The following NAV3 variants were observed in gnomAD, a reference collection of about 807,000 sequenced individuals.
NAV3 encodes pore membrane and/or filament interacting like protein 1.
In NAV3, 87 loss-of-function variants were observed where a neutral mutation model predicts 244.7. The observed-to-expected ratio is 0.36, with a 90% CI of 0.30 to 0.42. The LOEUF (loss-of-function observed/expected upper bound fraction) is 0.42, where lower values mean the gene tolerates loss of function less well. Ranked by LOEUF, NAV3 falls within the 20% of genes least tolerant of loss-of-function variation. The pLI is 1.00. For missense variants in NAV3, 2,663 were observed against 2,893.3 expected (o/e 0.92, Z 1.83); for synonymous variants, 1,126 against 1,042.2 (o/e 1.08, Z -1.55).
At chr12:77,856,775 T>C (rs1878455320) in intron 1 of NAV3, among the ~76,000 whole-genome samples, 1 of 152,146 alleles carries the variant, frequency 6.6e-6, no homozygotes, top group African/African-American at 2.4e-5. Context: ...AATGGCTTTT[T>C]AAAAACATTT....
At chr12:78,127,552 C>CAG (rs1202833279) in intron 17 of NAV3, among the ~76,000 whole-genome samples, 4 of 152,164 alleles carry the variant, frequency 2.6e-5, no homozygotes, top group South Asian at 2.1e-4. Flanking sequence ...TGGTAGAATG[C>CAG]AGAACTCACT....
intron 9 of NAV3, among the ~76,000 whole-genome samples, chr12:78,025,164 T>C (rs750393702): frequency 1.3e-5 from 2 of 152,152 alleles, no homozygotes; most frequent in Non-Finnish European, 2.9e-5. Flanking sequence ...AATGTCAACA[T>C]GGCCAAATCC....
intron 23 of NAV3, among the ~76,000 whole-genome samples, chr12:78,162,628 C>G (rs1027202104): frequency 6.6e-6 from 1 of 151,132 alleles, no homozygotes; most frequent in Non-Finnish European, 1.5e-5. Context: ...CTTTGAAAGG[C>G]CAAGGCAGGT....
At chr12:78,205,193 A>G in intron 39 of NAV3, 55 bp downstream of exon 39, 1 of 1,517,208 alleles carries the variant, frequency 6.6e-7, no homozygotes. Context: ...GTGTATAGTC[A>G]TTAATATTTA....
chr12:77,829,229 T>A (rs911228479), upstream of NAV3, among the ~76,000 whole-genome samples: 1 of 152,272 alleles, frequency 6.6e-6, no homozygotes, highest in Non-Finnish European at 1.5e-5. Context: ...GGCTTGGAGT[T>A]TGCCTTCCAA....
chr12:77,836,830 A>G (rs1205513040), intron 1 of NAV3, among the ~76,000 whole-genome samples: 1 of 152,180 alleles, frequency 6.6e-6, no homozygotes, highest in Non-Finnish European at 1.5e-5. Context: ...GGGCAATCCA[A>G]AGAAATTTAT....
intron 2 of NAV3, among the ~76,000 whole-genome samples, chr12:77,622,535 T>A (rs991300007): frequency 8.0e-4 from 48 of 60,136 alleles, no homozygotes; most frequent in South Asian, 1.4e-3. Flanking sequence ...TCCATATGGA[T>A]TTTTTTTTTT....
intron 3 of NAV3, among the ~76,000 whole-genome samples, chr12:77,950,116 A>G (rs957722356): frequency 1.3e-5 from 2 of 152,144 alleles, no homozygotes; most frequent in Non-Finnish European, 2.9e-5. Flanking sequence ...GAAAACTGCT[A>G]TACATTTCCA....
intron 22 of NAV3, among the ~76,000 whole-genome samples, chr12:78,155,620 C>G (rs999675474): frequency 2.7e-4 from 41 of 152,232 alleles, no homozygotes; most frequent in African/African-American, 9.4e-4. Flanking sequence ...AACTAATTTA[C>G]TCTCCCACCA....
rs1566160737 is a variant in NAV3 at position 78,119,240 on chromosome 12, A to T, written c.3044A>T (p.Lys1015Ile). The T allele has an allele frequency of 6.2e-7, 1 of 1,608,062 alleles. No individual in the cohort carries two copies. The highest frequency in any genetic ancestry group is 8.5e-7 in the Non-Finnish European group (1 of 1,177,878). ...TTGTGTATTTCTCCTTAATTAGGGA[A>T]AACCGATGATGCCAAAGCTTCTGAG... ...AGTSALKTPG[K>I]TDDAKASEKG... The change falls in exon 15 of 40, where the codon AAA (lysine) becomes ATA (isoleucine). Residue 1015 changes from lysine (K) to isoleucine (I), a missense_variant. Around this residue, in one of 6 missense-constraint regions of NAV3, gnomAD observed 1,521 missense variants for 1,497.0 expected, o/e 1.02. Transcript: ENST00000397909.
upstream of NAV3, among the ~76,000 whole-genome samples, chr12:77,827,126 G>C (rs1002803835): frequency 6.6e-6 from 1 of 151,422 alleles, no homozygotes; most frequent in Non-Finnish European, 1.5e-5. Context: ...CCAGCTGCTT[G>C]GGAGGCTGAG....
chr12:77,999,118 G>A (rs953845589), intron 7 of NAV3, among the ~76,000 whole-genome samples: 1 of 152,194 alleles, frequency 6.6e-6, no homozygotes, highest in African/African-American at 2.4e-5. Flanking sequence ...TACGAAGTGG[G>A]CATTTAAAGA....
intron 2 of NAV3, among the ~76,000 whole-genome samples, chr12:77,616,233 C>A (rs1011334837): frequency 3.5e-4 from 53 of 151,840 alleles, no homozygotes; most frequent in African/African-American, 1.2e-3. Context: ...GTGGTGAAAC[C>A]CCGTCTCTAC....
intron 1 of NAV3, among the ~76,000 whole-genome samples, chr12:77,874,015 T>A (rs1881474892): frequency 6.6e-6 from 1 of 151,386 alleles, no homozygotes; most frequent in Non-Finnish European, 1.5e-5. Context: ...CATAGGAGAA[T>A]GAATCCTATT....
intron 2 of NAV3, among the ~76,000 whole-genome samples, chr12:77,772,280 C>G (rs1030205236): frequency 6.6e-6 from 1 of 152,022 alleles, no homozygotes; most frequent in Non-Finnish European, 1.5e-5. Context: ...GCTTTGTATG[C>G]TCTGAGCAAC....
intron 1 of NAV3, among the ~76,000 whole-genome samples, chr12:77,881,828 G>A (rs1318714333): frequency 2.0e-5 from 3 of 152,028 alleles, no homozygotes; most frequent in Non-Finnish European, 4.4e-5. Flanking sequence ...ACTTACAATA[G>A]CTGTAAAGAA....
In NAV3 at chr12:78,133,755, A is replaced by G. The variant is rs141765489; in HGVS notation, c.4442-3422A>G. On this transcript the variant is annotated intron_variant, in intron 18 of 39. Coordinates refer to ENST00000397909, the MANE Select transcript of NAV3 (RefSeq NM_001024383.2). ...AACCATTCCCATTCAAGAAAGACTA[A>G]CAAAGTATAGCTTACATAAATCAAA... 5.0e-3 allele frequency among the ~76,000 whole-genome samples: 768 copies of G among 152,292 alleles called. 3 individuals carry two copies. Among genetic ancestry groups the G allele is most frequent in the African/African-American group, 0.017 (715 of 41,578 alleles).
chr12:77,676,354 C>T (rs1250966198), intron 2 of NAV3, among the ~76,000 whole-genome samples: 1 of 152,090 alleles, frequency 6.6e-6, no homozygotes, highest in Non-Finnish European at 1.5e-5. Flanking sequence ...CAGAGGGTGG[C>T]TTACAAGGTG....
At chr12:77,973,627 A>G (rs11107624) in intron 5 of NAV3, among the ~76,000 whole-genome samples, 2,742 of 152,234 alleles carry the variant, frequency 0.018, 45 homozygotes, top group Non-Finnish European at 0.03. Context: ...ACCATAGAGG[A>G]CATTTGCCTT....
Sources: allele counts gnomAD v4.1 joint callset (sites outside exome capture counted in the v4.1 genomes callset), GRCh38; gene constraint gnomAD v4.1.1; regional missense constraint gnomAD v4.1.1; transcripts MANE v1.5; gene names NCBI Gene and HGNC (gene_info 2026-07-23, HGNC 2026-07-21).